The following RALGPS1 variants were observed in gnomAD, a reference collection of about 807,000 sequenced individuals.
RALGPS1 encodes Ral GEF with PH domain and SH3 binding motif 1.
In RALGPS1, 19 loss-of-function variants were observed where a neutral mutation model predicts 78.8. That is an observed-to-expected ratio of 0.24 (90% CI 0.17 to 0.35). RALGPS1 has a LOEUF of 0.35. Ranked by LOEUF, RALGPS1 falls within the 10% of genes least tolerant of loss-of-function variation. The pLI is 1.00. For missense variants in RALGPS1, 454 were observed against 688.3 expected (o/e 0.66, Z 3.81); for synonymous variants, 228 against 256.3 (o/e 0.89, Z 1.06).
intron 8 of RALGPS1, among the ~76,000 whole-genome samples, chr9:127,149,084 G>T (rs1047408100): frequency 1.1e-4 from 17 of 152,236 alleles, no homozygotes; most frequent in Non-Finnish European, 2.2e-4. Context: ...CAGAGGAACT[G>T]TTCTGGCCGA....
intron 4 of RALGPS1, among the ~76,000 whole-genome samples, chr9:126,996,119 G>T (rs1013802899): frequency 2.0e-5 from 3 of 152,158 alleles, no homozygotes; most frequent in Admixed American, 2.0e-4. Flanking sequence ...ACAATTAAAA[G>T]AACTAGAAAA....
chr9:126,996,377 A>G (rs539649390), intron 4 of RALGPS1, among the ~76,000 whole-genome samples: 5 of 152,336 alleles, frequency 3.3e-5, no homozygotes, highest in African/African-American at 1.2e-4. Context: ...AGAAATACAA[A>G]CTACCATCAG....
intron 18 of RALGPS1, chr9:127,217,293 A>T (rs1000805591): frequency 9.0e-7 from 1 of 1,109,448 alleles, no homozygotes; most frequent in Middle Eastern, 3.9e-4. Flanking sequence ...TTTCAACCAA[A>T]TATTCCCACT....
chr9:126,990,313 C>G (rs1320099422), intron 4 of RALGPS1: 2 of 276,846 alleles, frequency 7.2e-6, no homozygotes, highest in East Asian at 8.3e-5. Context: ...ATGGCAGCAG[C>G]CTTTTCATGT....
intron 1 of RALGPS1, among the ~76,000 whole-genome samples, chr9:126,918,180 T>TTA (rs1201905604): frequency 6.6e-6 from 1 of 152,212 alleles, no homozygotes; most frequent in Non-Finnish European, 1.5e-5. Context: ...TTAGTGAACT[T>TTA]CAACATAAAA....
intron 1 of RALGPS1, among the ~76,000 whole-genome samples, chr9:126,933,782 A>G (rs3120025): frequency 0.99 from 151,335 of 152,226 alleles, 75,250 homozygotes; most frequent in Middle Eastern, 1. Flanking sequence ...CACGGAGCTC[A>G]TAGCACCTTG....
At chr9:127,156,272 T>C (rs947864757) in intron 8 of RALGPS1, among the ~76,000 whole-genome samples, 10 of 152,230 alleles carry the variant, frequency 6.6e-5, no homozygotes, top group African/African-American at 1.2e-4. Flanking sequence ...GTAGTAGTAT[T>C]GCTGCAATTT....
intron 8 of RALGPS1, among the ~76,000 whole-genome samples, chr9:127,089,944 C>T (rs1280115419): frequency 6.6e-6 from 1 of 152,192 alleles, no homozygotes; most frequent in Non-Finnish European, 1.5e-5. Context: ...AGGGGAGGGG[C>T]TGCTCCAGTC....
Position 127,218,002 on chromosome 9 carries a change from C to T in RALGPS1, c.1645-738C>T, listed in dbSNP as rs1051780108. On this transcript the variant is annotated intron_variant, in intron 18 of 18. Transcript: ENST00000259351. This position sits in a 1 kb window ranked among gnomAD's most constrained non-coding sequence, Gnocchi z 4.4. ...CTAATGACCATTCTTATAACTGTCT[C>T]CTGGTACATGGAGATGCATTTTTTT... Among the ~76,000 whole-genome samples, 8 of 152,182 alleles carry T rather than the reference C, an allele frequency of 5.3e-5. No homozygotes were observed. Among genetic ancestry groups the T allele is most frequent in the African/African-American group, 1.9e-4 (8 of 41,420 alleles).
intron 4 of RALGPS1, among the ~76,000 whole-genome samples, chr9:126,978,694 T>G (rs781575070): frequency 6.6e-6 from 1 of 152,072 alleles, no homozygotes; most frequent in Non-Finnish European, 1.5e-5. Flanking sequence ...TGGGGTGAGT[T>G]CAGGCATCCA....
At chr9:127,179,268 C>T (rs552454822) in intron 11 of RALGPS1, among the ~76,000 whole-genome samples, 2 of 152,324 alleles carry the variant, frequency 1.3e-5, no homozygotes, top group Non-Finnish European at 2.9e-5. Context: ...CAGACACACT[C>T]GGGGGTCCCA....
intron 14 of RALGPS1, among the ~76,000 whole-genome samples, chr9:127,206,309 C>T (rs1315812758): frequency 6.6e-6 from 1 of 152,192 alleles, no homozygotes; most frequent in African/African-American, 2.4e-5. Context: ...TGAAGACATA[C>T]CCGAGACTAG....
intron 5 of RALGPS1, among the ~76,000 whole-genome samples, chr9:127,045,470 C>T (rs1168671188): frequency 6.6e-6 from 1 of 152,042 alleles, no homozygotes; most frequent in East Asian, 1.9e-4. Context: ...AAACCATTAT[C>T]CCTGTGTACT....
chr9:127,205,969 A>G lies in RALGPS1; in HGVS notation c.1248-6162A>G, dbSNP rs1326927738. ...GGGACCCACTTAGTGAATCAGGGAC[A>G]TTGCCCAGAGAAGAGTGGGTGGCCC... On this transcript the variant is annotated intron_variant, in intron 14 of 18. Coordinates refer to ENST00000259351, the MANE Select transcript of RALGPS1 (RefSeq NM_014636.3). This position sits in a 1 kb window ranked among gnomAD's most constrained non-coding sequence, Gnocchi z 4.0. Among the ~76,000 whole-genome samples, 4 of 152,240 alleles carry G rather than the reference A, an allele frequency of 2.6e-5. No individual in the cohort carries two copies. Among genetic ancestry groups the G allele is most frequent in the Non-Finnish European group, 5.9e-5 (4 of 68,042 alleles).
intron 4 of RALGPS1, among the ~76,000 whole-genome samples, chr9:126,983,216 T>C (rs928698535): frequency 6.6e-6 from 1 of 152,144 alleles, no homozygotes; most frequent in East Asian, 1.9e-4. Context: ...GGATTACAGA[T>C]GTAAGCCACT....
chr9:127,214,994 A>G (rs962408196), intron 18 of RALGPS1, 152 bp downstream of exon 18: 12 of 1,347,490 alleles, frequency 8.9e-6, no homozygotes, highest in Non-Finnish European at 1.2e-5. Context: ...CCCTTGAGAC[A>G]AGGCACCCCC....
At chr9:126,919,350 G>GA (rs1427785325) in intron 1 of RALGPS1, among the ~76,000 whole-genome samples, 1 of 152,136 alleles carries the variant, frequency 6.6e-6, no homozygotes, top group Non-Finnish European at 1.5e-5. Context: ...TTTGTCCTAG[G>GA]AAAAAAAGTG....
intron 1 of RALGPS1, among the ~76,000 whole-genome samples, chr9:126,960,655 A>C (rs1025710409): frequency 6.6e-6 from 1 of 152,148 alleles, no homozygotes; most frequent in African/African-American, 2.4e-5. Context: ...GCTACCTCCA[A>C]AGACTGGAGC....
intron 8 of RALGPS1, among the ~76,000 whole-genome samples, chr9:127,164,534 CTTTTTTTT>C (rs1160251459): frequency 6.4e-5 from 4 of 62,766 alleles, no homozygotes; most frequent in Admixed American, 2.3e-4. Flanking sequence ...CATGCCTGGC[CTTTTTTTT>C]TTTTTTTTTT....
Sources: allele counts gnomAD v4.1 joint callset (sites outside exome capture counted in the v4.1 genomes callset), GRCh38; gene constraint gnomAD v4.1.1; non-coding constraint Gnocchi (gnomAD v3.1); transcripts MANE v1.5; gene names NCBI Gene and HGNC (gene_info 2026-07-23, HGNC 2026-07-21).